POP4: variants seen among roughly 807,000 people sequenced by gnomAD.
The protein encoded by POP4 is POP4 ribonuclease P/MRP subunit.
In POP4, 31 loss-of-function variants were observed where a neutral mutation model predicts 29.9. The observed-to-expected ratio is 1.04, with a 90% CI of 0.78 to 1.40. The LOEUF is 1.40. Ranked by LOEUF, POP4 falls within the 40% of genes most tolerant of loss-of-function variation. The pLI, the probability that POP4 is intolerant of heterozygous loss-of-function variation, is 0.00. For missense variants in POP4, 286 were observed against 282.7 expected, an observed-to-expected ratio of 1.01 and a Z score of -0.08; for synonymous variants, 110 against 108.2, an observed-to-expected ratio of 1.02 and a Z score of -0.10.
chr19:29,610,810 G>A, intron 3 of POP4, 178 bp downstream of exon 3: 1 of 633,186 alleles, frequency 1.6e-6, no homozygotes, highest in Non-Finnish European at 2.7e-6. Flanking sequence ...CGAGGCGGGT[G>A]AGACAGGACT....
At chr19:29,614,250 C>A (rs1971106256) in intron 6 of POP4, among the ~76,000 whole-genome samples, 1 of 152,220 alleles carries the variant, frequency 6.6e-6, no homozygotes, top group African/African-American at 2.4e-5. Flanking sequence ...TCTGTTTAGG[C>A]CCCAGGAGAG....
intron 6 of POP4, 118 bp from the exon 7 acceptor site, chr19:29,615,126 C>T: frequency 8.0e-7 from 1 of 1,252,580 alleles, no homozygotes; most frequent in Non-Finnish European, 1.1e-6. Flanking sequence ...TTCCCGTTTC[C>T]TATTAGCTTA....
Position 29,615,735 on chromosome 19 carries a change from G to A in POP4, c.*355G>A. 1 of 185,828 alleles carries A rather than the reference G, an allele frequency of 5.4e-6. No individual in the cohort carries two copies. The highest frequency in any genetic ancestry group is 1.4e-4 in the South Asian group (1 of 7,254). The allele number at this position is 185,828 out of a possible 1,614,324, so 11.5% of individuals were successfully genotyped here. A position where few individuals can be genotyped will look rare whatever the true frequency, so the allele number is the denominator to read the frequency against. ...CTGAGTGCTCTATGATAAATCAGTT[G>A]CATCTGTGATAATACAGTACATATG... On this transcript the variant is annotated 3_prime_UTR_variant, in exon 7 of 7. Coordinates refer to ENST00000585603, the MANE Select transcript of POP4 (RefSeq NM_006627.3).
Position 29,612,148 on chromosome 19 carries a change from A to C in POP4, c.394A>C (p.Lys132Gln). The change falls in exon 5 of 7, where the codon AAG (lysine) becomes CAG (glutamine). Residue 132 changes from lysine to glutamine, a missense_variant. Physicochemically the swap from Lys to Gln is moderately conservative, Grantham distance 53. Transcript: ENST00000585603. Reference sequence around the variant, plus strand: ...ACAGATGATTCAGGCCAAGCTCTTAAAGGCAGATCTTCACGGGGCTATTAT... The same window carrying C: ...ACAGATGATTCAGGCCAAGCTCTTACAGGCAGATCTTCACGGGGCTATTAT... ...QPQMIQAKLL[K>Q]ADLHGAIISV... The C allele has an allele frequency of 6.2e-7, 1 of 1,611,360 alleles. No homozygotes were observed. Among genetic ancestry groups the C allele is most frequent in the Non-Finnish European group, 8.5e-7 (1 of 1,179,258 alleles).
At chr19:29,613,704 G>T in intron 5 of POP4, 167 bp from the exon 6 acceptor site, 1 of 1,015,842 alleles carries the variant, frequency 9.8e-7, no homozygotes, top group Non-Finnish European at 1.4e-6. Context: ...GATTCTTGTT[G>T]GTTACATCAG....
intron 5 of POP4, 159 bp from the exon 6 acceptor site, chr19:29,613,712 C>G: frequency 9.1e-7 from 1 of 1,102,464 alleles, no homozygotes; most frequent in Non-Finnish European, 1.3e-6. Context: ...TTGGTTACAT[C>G]AGGGCCCAGC....
chr19:29,610,673 C>T (rs766915759), intron 3 of POP4, 41 bp downstream of exon 3: 2 of 1,589,744 alleles, frequency 1.3e-6, no homozygotes, highest in African/African-American at 1.3e-5. Flanking sequence ...GCGGTGCTTA[C>T]CCTTCTTGGT....
Position 29,616,628 on chromosome 19 carries a change from AC to A in POP4, c.*1252del. 1 of 152,424 alleles carries A rather than the reference AC, an allele frequency of 6.6e-6. No individual in the cohort carries two copies. Among genetic ancestry groups the A allele is most frequent in the Non-Finnish European group, 1.5e-5 (1 of 68,312 alleles). The allele number at this position is 152,424 out of a possible 1,614,324, so 9.4% of individuals were successfully genotyped here. ...TAGAAAGGCCCAGGTCTGTGCCACC[AC>A]CCCTCCCCAAAGCTCAGTGCACCCA... On this transcript the variant is annotated 3_prime_UTR_variant, in exon 7 of 7. Coordinates refer to ENST00000585603, the MANE Select transcript of POP4 (RefSeq NM_006627.3).
intron 6 of POP4, 127 bp from the exon 7 acceptor site, chr19:29,615,117 T>A (rs1971114914): frequency 8.5e-7 from 1 of 1,171,006 alleles, no homozygotes; most frequent in East Asian, 2.6e-5. Context: ...CTTGTGGGTT[T>A]CCCGTTTCCT....
chr19:29,612,279 G>C (rs111763178), intron 5 of POP4, 101 bp downstream of exon 5: 1 of 1,142,118 alleles, frequency 8.8e-7, no homozygotes, highest in Non-Finnish European at 1.2e-6. Flanking sequence ...ACTCTTTACC[G>C]TGTGGATTCC....
intron 2 of POP4, among the ~76,000 whole-genome samples, chr19:29,609,983 T>C (rs1275868869): frequency 2.0e-5 from 3 of 152,206 alleles, no homozygotes; most frequent in African/African-American, 7.2e-5. Context: ...AGTGTTAGGA[T>C]CACTTCCTCC....
chr19:29,609,298 G>A (rs1456073711), intron 2 of POP4: 1 of 152,452 alleles, frequency 6.6e-6, no homozygotes, highest in Admixed American at 6.5e-5. Flanking sequence ...AGCATCTACA[G>A]GTGCAAAGCT....
chr19:29,611,629 A>G (rs1971070438), intron 3 of POP4: 4 of 496,398 alleles, frequency 8.1e-6, no homozygotes, highest in Non-Finnish European at 1.1e-5. Flanking sequence ...AAAGAAGTCC[A>G]GGTGGACACC....
chr19:29,606,903 G>A (rs1000879744), intron 1 of POP4, among the ~76,000 whole-genome samples: 8 of 152,090 alleles, frequency 5.3e-5, no homozygotes, highest in African/African-American at 1.9e-4. Flanking sequence ...AGTGTAATGA[G>A]AAAAAATATG....
chr19:29,610,741 C>G (rs999380544), intron 3 of POP4, 109 bp downstream of exon 3: 2 of 1,115,856 alleles, frequency 1.8e-6, no homozygotes. Context: ...GCTAAGGGGG[C>G]CTCTCTGTCG....
In POP4 at chr19:29,616,378, G is replaced by C. The variant is rs1971131798; in HGVS notation, c.*998G>C. 6.6e-6 allele frequency: 1 copy of C among 152,396 alleles called. No homozygotes were observed. Among genetic ancestry groups the C allele is most frequent in the African/African-American group, 2.4e-5 (1 of 41,448 alleles). The allele number at this position is 152,396 out of a possible 1,614,324, so 9.4% of individuals were successfully genotyped here. On this transcript the variant is annotated 3_prime_UTR_variant, in exon 7 of 7. Transcript: ENST00000585603. ...CCAGATGGGTTGGAAACATGGCTCA[G>C]AAGGACCAACTACCCCTTCCCTTTG...
chr19:29,614,211 C>T (rs1361413076), intron 6 of POP4, among the ~76,000 whole-genome samples: 2 of 152,234 alleles, frequency 1.3e-5, no homozygotes, highest in Non-Finnish European at 2.9e-5. Flanking sequence ...GAAGGAAGAC[C>T]TGCTCGGCTG....
rs756439527 is a variant in POP4, at chr19:29,613,911, A to T, written c.465A>T (p.Gly155=). Residue 155 remains glycine, a synonymous_variant, in exon 6 of 7, where the codon GGA becomes GGT. Coordinates refer to ENST00000585603, the MANE Select transcript of POP4 (RefSeq NM_006627.3). ...SKCPSYVGIT[G]ILLQETKHIF... ...GCCCCTCTTATGTGGGTATTACAGG[A>T]ATCCTTCTACAGGAAACAAAGCACA... 1.2e-6 allele frequency: 2 copies of T among 1,613,846 alleles called. No homozygotes were observed. Among genetic ancestry groups the T allele is most frequent in the South Asian group, 2.2e-5 (2 of 91,048 alleles).
At chr19:29,611,813 C>G in intron 3 of POP4, 49 bp from the exon 4 acceptor site, 2 of 1,499,496 alleles carry the variant, frequency 1.3e-6, no homozygotes, top group Non-Finnish European at 1.9e-6. Context: ...ACATTGTCAT[C>G]CCAAGCTCAT....
Sources: gnomAD v4.1 joint callset for allele counts (sites outside exome capture counted in the v4.1 genomes callset) on GRCh38, gnomAD v4.1.1 for gene constraint, MANE v1.5 for transcripts, NCBI Gene and HGNC (gene_info 2026-07-23, HGNC 2026-07-21) for gene names.